RAB27B: variants seen among roughly 807,000 people sequenced by gnomAD.
The protein encoded by RAB27B is RAB27B, member RAS oncogene family.
Under a neutral mutation model 24.6 loss-of-function variants are expected in RAB27B, and 15 were observed. The ratio of observed to expected loss-of-function variants is 0.61; its 90% CI spans 0.41 to 0.94. The LOEUF (loss-of-function observed/expected upper bound fraction) is 0.94, where lower values mean the gene tolerates loss of function less well. RAB27B is among the 40% of genes least tolerant of loss of function. RAB27B has a pLI of 0.00. For missense variants in RAB27B, 261 were observed against 266.8 expected (o/e 0.98, Z 0.15); for synonymous variants, 105 against 92.5 (o/e 1.14, Z -0.78).
intron 3 of RAB27B, chr18:54,880,734 T>C (rs187180560): frequency 6.6e-6 from 1 of 152,284 alleles, no homozygotes; most frequent in Admixed American, 6.5e-5. Flanking sequence ...GAAAATGTGG[T>C]TCCCATATGT....
At chr18:54,814,837 T>C (rs1188016436) in intron 2 of RAB27B, among the ~76,000 whole-genome samples, 2 of 152,230 alleles carry the variant, frequency 1.3e-5, no homozygotes, top group African/African-American at 2.4e-5. Flanking sequence ...TGTAGAATAC[T>C]GAATGAGGCT....
rs141037913 is a variant in RAB27B at position 54,808,519 on chromosome 18, T to C, written c.-19-69048T>C. 5.5e-3 allele frequency among the ~76,000 whole-genome samples: 831 copies of C among 152,358 alleles called. 7 individuals are homozygous for C. The highest frequency in any genetic ancestry group is 0.019 in the African/African-American group (786 of 41,580). On this transcript the variant is annotated intron_variant, in intron 2 of 4. Coordinates refer to the RAB27B transcript ENST00000586570. ...GAGAACTACTAGATGTTGAGGAACA[T>C]TAGAAATCTCTTATTATCAGCCTCC... is the stretch of plus-strand genomic sequence containing the variant.
chr18:54,865,591 G>A (rs947039579), intron 1 of RAB27B, among the ~76,000 whole-genome samples: 8 of 152,190 alleles, frequency 5.3e-5, no homozygotes, highest in African/African-American at 1.9e-4. Context: ...TGTCATCAAT[G>A]TGAGCTGAAG....
At chr18:54,730,507 G>A (rs760409383) in intron 2 of RAB27B, among the ~76,000 whole-genome samples, 33 of 152,036 alleles carry the variant, frequency 2.2e-4, no homozygotes, top group Middle Eastern at 3.4e-3. Context: ...TGGTTTGGAT[G>A]TGTGTCCCCT....
At chr18:54,863,484 C>T (rs1912087038) in intron 1 of RAB27B, among the ~76,000 whole-genome samples, 1 of 152,100 alleles carries the variant, frequency 6.6e-6, no homozygotes, top group Admixed American at 6.5e-5. Context: ...ATATTCTTAT[C>T]TTGTTGGGGT....
chr18:54,783,888 G>C (rs1380524351), intron 2 of RAB27B, among the ~76,000 whole-genome samples: 1 of 146,240 alleles, frequency 6.8e-6, no homozygotes, highest in Non-Finnish European at 1.5e-5. Context: ...TAATTACATA[G>C]GTAGGAGCAC....
chr18:54,755,769 CCT>C (rs1180647710), intron 2 of RAB27B, among the ~76,000 whole-genome samples: 2 of 152,146 alleles, frequency 1.3e-5, no homozygotes, highest in Admixed American at 6.6e-5. Context: ...AGCAAATGCC[CCT>C]GTTTTAGCAC....
At position 54,884,094 on chromosome 18, in the gene RAB27B, T is replaced by A. The variant is rs528483814; in HGVS notation, c.240-239T>A. ...AAATCCATGATTGAATGTTACAAAC[T>A]GTGTGTATAAAGTGCTGTGAGATCA... On this transcript the variant is annotated intron_variant, in intron 3 of 5. Transcript: ENST00000262094. Among the ~76,000 whole-genome samples, 115 of 124,884 alleles carry A rather than the reference T, an allele frequency of 9.2e-4. No individual in the cohort carries two copies. In the South Asian group the frequency reaches 0.02, roughly 22 times the overall value. The allele number at this position is 124,884 out of a possible 152,430, so 81.9% of individuals were successfully genotyped here.
At chr18:54,802,651 A>G (rs2145132505) in intron 2 of RAB27B, among the ~76,000 whole-genome samples, 1 of 152,302 alleles carries the variant, frequency 6.6e-6, no homozygotes, top group East Asian at 1.9e-4. Flanking sequence ...TTCCTTAGTT[A>G]TTTCAATGGA....
At chr18:54,828,144 T>TTAA (rs1039755334), upstream of RAB27B, 1 of 152,188 alleles carries the variant, frequency 6.6e-6, no homozygotes, top group African/African-American at 2.4e-5. Context: ...CTCCTCATAG[T>TTAA]TAATGAGACA....
At chr18:54,803,956 C>T (rs946741824) in intron 2 of RAB27B, among the ~76,000 whole-genome samples, 6 of 152,064 alleles carry the variant, frequency 3.9e-5, no homozygotes, top group Non-Finnish European at 2.9e-5. Flanking sequence ...CACAAAGGAT[C>T]GTGGGATTAG....
At chr18:54,851,899 C>G (rs1911604916) in intron 1 of RAB27B, among the ~76,000 whole-genome samples, 1 of 152,126 alleles carries the variant, frequency 6.6e-6, no homozygotes. Context: ...CTATACACCT[C>G]TTTTTACTTA....
intron 2 of RAB27B, among the ~76,000 whole-genome samples, chr18:54,803,472 C>T (rs1909673967): frequency 6.6e-6 from 1 of 152,286 alleles, no homozygotes; most frequent in East Asian, 1.9e-4. Flanking sequence ...TTCCCCTAAA[C>T]ATGATCAGTA....
chr18:54,727,071 C>T (rs1909562022), intron 2 of RAB27B, among the ~76,000 whole-genome samples: 1 of 152,204 alleles, frequency 6.6e-6, no homozygotes, highest in Non-Finnish European at 1.5e-5. Context: ...CAACCTCCGC[C>T]TCCCGGGTTT....
At chr18:54,720,075 T>C (rs1909311416) in intron 2 of RAB27B, among the ~76,000 whole-genome samples, 1 of 152,102 alleles carries the variant, frequency 6.6e-6, no homozygotes, top group Non-Finnish European at 1.5e-5. Context: ...TGAATTTAAG[T>C]CCTAAAATTA....
At chr18:54,887,107 A>G (rs1326257926) in intron 4 of RAB27B, among the ~76,000 whole-genome samples, 2 of 131,222 alleles carry the variant, frequency 1.5e-5, no homozygotes, top group African/African-American at 5.6e-5. Flanking sequence ...CCGCCCACAC[A>G]TAGTGTTTTT....
upstream of RAB27B, chr18:54,828,052 T>C (rs574161486): frequency 1.1e-4 from 16 of 152,274 alleles, no homozygotes; most frequent in Admixed American, 1.0e-3. Flanking sequence ...ATCCTAACTT[T>C]TAAAATATTA....
intron 2 of RAB27B, among the ~76,000 whole-genome samples, chr18:54,731,500 C>A (rs2144992115): frequency 6.6e-6 from 1 of 152,038 alleles, no homozygotes; most frequent in East Asian, 1.9e-4. Flanking sequence ...GCGGGCAGAT[C>A]ACCTGAGGTT....
chr18:54,890,823 A>G lies in RAB27B; in HGVS notation c.*1410A>G, dbSNP rs1027070223. ...TAATGTAAAGCTTCCTTTTCTTTCT[A>G]AAAAATAGTAACAAAATTATTTTTC... On this transcript the variant is annotated 3_prime_UTR_variant, in exon 6 of 6. Transcript: ENST00000262094. The G allele has an allele frequency of 1.3e-5, 2 of 152,088 alleles. No homozygotes were observed. The highest frequency in any genetic ancestry group is 2.9e-5 in the Non-Finnish European group (2 of 67,998). The allele number at this position is 152,088 out of a possible 1,614,324, so 9.4% of individuals were successfully genotyped here. A position where few individuals can be genotyped will look rare whatever the true frequency, so the allele number is the denominator to read the frequency against.
Sources: allele counts gnomAD v4.1 joint callset (sites outside exome capture counted in the v4.1 genomes callset), GRCh38; gene constraint gnomAD v4.1.1; transcripts MANE v1.5; gene names NCBI Gene and HGNC (gene_info 2026-07-23, HGNC 2026-07-21).